Variants in NDUFAF6 observed in about 807,000 individuals in gnomAD.
The protein encoded by NDUFAF6 is NADH:ubiquinone oxidoreductase complex assembly factor 6, also known as NADH dehydrogenase (ubiquinone) complex I, assembly factor 6.
NDUFAF6 carries 45 observed loss-of-function variants against 40.8 expected under a neutral mutation model. The ratio of observed to expected loss-of-function variants is 1.10; its 90% CI spans 0.87 to 1.42. The LOEUF (loss-of-function observed/expected upper bound fraction) is 1.42, where lower values mean the gene tolerates loss of function less well. Ranked by LOEUF, NDUFAF6 falls within the 40% of genes most tolerant of loss-of-function variation. The pLI, the probability that NDUFAF6 is intolerant of heterozygous loss-of-function variation, is 0.00. For missense variants in NDUFAF6, 435 were observed against 418.5 expected (o/e 1.04, Z -0.34); for synonymous variants, 185 against 155.9 (o/e 1.19, Z -1.39).
chr8:94,964,038 T>A (rs920337406), intron 1 of NDUFAF6, among the ~76,000 whole-genome samples: 1 of 152,200 alleles, frequency 6.6e-6, no homozygotes, highest in African/African-American at 2.4e-5. Flanking sequence ...GTGGCCTTAG[T>A]TAGCCTGAAG....
At chr8:95,066,469 C>T (rs999329173) in intron 9 of NDUFAF6, among the ~76,000 whole-genome samples, 3 of 151,752 alleles carry the variant, frequency 2.0e-5, no homozygotes, top group African/African-American at 4.8e-5. Flanking sequence ...TCTCCTAAAA[C>T]CCTTTTATTA....
At chr8:95,028,798 T>C (rs776832996) in intron 1 of NDUFAF6, among the ~76,000 whole-genome samples, 1 of 152,236 alleles carries the variant, frequency 6.6e-6, no homozygotes, top group Non-Finnish European at 1.5e-5. Flanking sequence ...TTTTTCTCAC[T>C]GTTTCATGTT....
intron 1 of NDUFAF6, among the ~76,000 whole-genome samples, chr8:94,963,261 A>G (rs946487321): frequency 6.6e-6 from 1 of 152,240 alleles, no homozygotes; most frequent in Non-Finnish European, 1.5e-5. Context: ...ATGGCATTTA[A>G]CAAGCATTTT....
At chr8:95,011,893 C>T (rs1470529380) in intron 2 of NDUFAF6, among the ~76,000 whole-genome samples, 1 of 152,038 alleles carries the variant, frequency 6.6e-6, no homozygotes, top group East Asian at 1.9e-4. Context: ...TGTTTAAAAC[C>T]AAATGGGCAT....
chr8:95,046,125 A>G lies in NDUFAF6; in HGVS notation c.580+478A>G, dbSNP rs192072708. 8.7e-3 allele frequency among the ~76,000 whole-genome samples: 1,317 copies of G among 152,006 alleles called. 17 individuals are homozygous for G. The highest frequency in any genetic ancestry group is 0.029 in the African/African-American group (1,204 of 41,422). Reference sequence around the variant, plus strand: ...CCCCAGGCTGGAGTGCAGTGGCTCAATCTCGGCTCACTGCAACCTCTGCCT... The same window carrying G: ...CCCCAGGCTGGAGTGCAGTGGCTCAGTCTCGGCTCACTGCAACCTCTGCCT... On this transcript the variant is annotated intron_variant, in intron 5 of 8. Coordinates refer to ENST00000396124, the MANE Select transcript of NDUFAF6 (RefSeq NM_152416.4).
intron 1 of NDUFAF6, among the ~76,000 whole-genome samples, chr8:94,899,831 T>C (rs1409930486): frequency 6.6e-6 from 1 of 152,156 alleles, no homozygotes; most frequent in Non-Finnish European, 1.5e-5. Flanking sequence ...AAAGCACAGA[T>C]GCCACTCCTT....
chr8:94,925,824 G>A (rs575915637), intron 1 of NDUFAF6: 1 of 152,334 alleles, frequency 6.6e-6, no homozygotes, highest in Non-Finnish European at 1.5e-5. Context: ...ACAGGCATGA[G>A]CCACTGCGCC....
intron 1 of NDUFAF6, among the ~76,000 whole-genome samples, chr8:94,933,835 G>GGGT (rs1554630452): frequency 7.0e-5 from 1 of 14,274 alleles, no homozygotes; most frequent in African/African-American, 1.2e-4. Context: ...AGCACTTTGT[G>GGGT]GGGGGGGGGG....
At chr8:95,044,130 G>C (rs150447024) in intron 4 of NDUFAF6, among the ~76,000 whole-genome samples, 1 of 152,266 alleles carries the variant, frequency 6.6e-6, no homozygotes, top group African/African-American at 2.4e-5. Flanking sequence ...GATACAAAAA[G>C]CTACATATTA....
chr8:95,117,319 G>A (rs1039763612), downstream of NDUFAF6, among the ~76,000 whole-genome samples: 3 of 152,210 alleles, frequency 2.0e-5, no homozygotes, highest in African/African-American at 4.8e-5. Context: ...GGAAAGGTGG[G>A]CTGAGGAGTG....
chr8:95,063,680 C>T (rs1254137262), downstream of NDUFAF6, among the ~76,000 whole-genome samples: 1 of 152,134 alleles, frequency 6.6e-6, no homozygotes, highest in African/African-American at 2.4e-5. Context: ...GATTAATCTT[C>T]CCAGCTGCTT....
chr8:94,942,076 A>T (rs576514803), intron 1 of NDUFAF6, among the ~76,000 whole-genome samples: 18 of 151,096 alleles, frequency 1.2e-4, no homozygotes, highest in Admixed American at 4.0e-4. Flanking sequence ...TCTGTTGCCC[A>T]GGCTGGAGTG....
chr8:94,913,072 A>T (rs1298666260), intron 1 of NDUFAF6, among the ~76,000 whole-genome samples: 3 of 152,236 alleles, frequency 2.0e-5, no homozygotes, highest in Non-Finnish European at 2.9e-5. Flanking sequence ...AAAACATTTT[A>T]TAACTCTTTC....
intron 2 of NDUFAF6, among the ~76,000 whole-genome samples, chr8:95,033,478 G>A (rs1829099625): frequency 6.6e-6 from 1 of 152,164 alleles, no homozygotes; most frequent in South Asian, 2.1e-4. Context: ...AACAAGTGTT[G>A]ATTGAATGCA....
At chr8:94,935,423 G>C (rs1190724544) in intron 1 of NDUFAF6, among the ~76,000 whole-genome samples, 1 of 152,190 alleles carries the variant, frequency 6.6e-6, no homozygotes, top group African/African-American at 2.4e-5. Context: ...ATATTTCCTA[G>C]CTATATTCTC....
At chr8:94,987,466 C>T (rs1825974389) in intron 2 of NDUFAF6, among the ~76,000 whole-genome samples, 1 of 151,850 alleles carries the variant, frequency 6.6e-6, no homozygotes, top group Non-Finnish European at 1.5e-5. Flanking sequence ...GTCCATTGTC[C>T]ACAAGTACTC....
At chr8:95,008,378 A>G (rs537219240) in intron 2 of NDUFAF6, among the ~76,000 whole-genome samples, 1 of 152,358 alleles carries the variant, frequency 6.6e-6, no homozygotes, top group Non-Finnish European at 1.5e-5. Flanking sequence ...GGTAAAGCCT[A>G]GCTTTTCCTT....
At chr8:95,073,852 T>A (rs1832952338) in intron 9 of NDUFAF6, among the ~76,000 whole-genome samples, 1 of 152,200 alleles carries the variant, frequency 6.6e-6, no homozygotes, top group Non-Finnish European at 1.5e-5. Context: ...CCCAACCTGA[T>A]GTCCTAATTT....
intron 8 of NDUFAF6, 33 bp from the exon 9 acceptor site, chr8:95,057,776 A>G (rs762315863): frequency 4.0e-6 from 6 of 1,501,272 alleles, no homozygotes; most frequent in Non-Finnish European, 5.5e-6. Flanking sequence ...TGATCATTTT[A>G]TGATCTGGTG....
Sources: gnomAD v4.1 joint callset for allele counts (sites outside exome capture counted in the v4.1 genomes callset) on GRCh38, gnomAD v4.1.1 for gene constraint, MANE v1.5 for transcripts, NCBI Gene and HGNC (gene_info 2026-07-23, HGNC 2026-07-21) for gene names.